Variants in RASEF observed in about 807,000 individuals in gnomAD.
RASEF encodes RAS and EF-hand domain containing, also known as ras and EF-hand domain-containing protein.
In RASEF, 68 loss-of-function variants were observed where a neutral mutation model predicts 90.1. That is an observed-to-expected ratio of 0.75 (90% CI 0.62 to 0.92). The LOEUF (loss-of-function observed/expected upper bound fraction) is 0.92. Among genes scored for constraint, RASEF ranks in the 40% least tolerant of loss-of-function variants. The pLI is 0.00. For missense variants in RASEF, 949 were observed against 937.2 expected, an observed-to-expected ratio of 1.01 and a Z score of -0.16; for synonymous variants, 331 against 345.2, an observed-to-expected ratio of 0.96 and a Z score of 0.46.
the RASEF span, among the ~76,000 whole-genome samples, chr9:83,120,450 G>C: frequency 2.0e-5 from 3 of 152,124 alleles, no homozygotes; most frequent in African/African-American, 7.2e-5. Flanking sequence ...AATTTGCCTA[G>C]CCCTAGAATT....
the RASEF span, among the ~76,000 whole-genome samples, chr9:83,183,944 C>T: frequency 6.6e-6 from 1 of 152,144 alleles, no homozygotes; most frequent in East Asian, 1.9e-4. Flanking sequence ...ACTCAGATGG[C>T]CAGGCCCCAT....
Position 83,000,474 on chromosome 9 carries a change from C to G in RASEF, c.1534G>C (p.Val512Leu), listed in dbSNP as rs573773265. ...PQGSVSEGSIVSSSRKPISAL... is the reference protein window; with the variant it reads ...PQGSVSEGSILSSSRKPISAL... ...GAGATGGGCTTTCTTGATGAACTAA[C>G]AATGCTGCCTTCACTAACAGACCCT... Residue 512 changes from valine (V) to leucine (L), a missense_variant, in exon 11 of 17, where the codon GTT (valine) becomes CTT (leucine). By Grantham distance (32) the Val-to-Leu change is conservative. Around this residue, in one of 3 missense-constraint regions of RASEF, gnomAD observed 288 missense variants for 328.4 expected, o/e 0.88. Transcript: ENST00000376447. The G allele has an allele frequency of 7.6e-5, 122 of 1,614,150 alleles. 2 individuals are homozygous for G. In the South Asian group the frequency reaches 1.2e-3, roughly 16 times the overall value.
the RASEF span, among the ~76,000 whole-genome samples, chr9:83,199,548 C>T: frequency 6.6e-6 from 1 of 152,116 alleles, no homozygotes; most frequent in African/African-American, 2.4e-5. Flanking sequence ...AGGTGACACG[C>T]CAACAAAATG....
the RASEF span, among the ~76,000 whole-genome samples, chr9:83,117,819 C>G: frequency 6.6e-5 from 10 of 152,184 alleles, no homozygotes; most frequent in Non-Finnish European, 1.3e-4. Context: ...CAGCCCAAGA[C>G]AGTGGAAATC....
At chr9:83,023,132 G>T (rs1587502626) in intron 2 of RASEF, among the ~76,000 whole-genome samples, 1 of 152,010 alleles carries the variant, frequency 6.6e-6, no homozygotes, top group African/African-American at 2.4e-5. Context: ...CAAAGTGATG[G>T]TTATATATAA....
At chr9:83,112,807 G>A in the RASEF span, among the ~76,000 whole-genome samples, 4 of 152,084 alleles carry the variant, frequency 2.6e-5, no homozygotes, top group African/African-American at 9.7e-5. Context: ...CTATACTTGG[G>A]ATGCTAATTT....
At chr9:83,165,427 A>G in the RASEF span, among the ~76,000 whole-genome samples, 1 of 152,126 alleles carries the variant, frequency 6.6e-6, no homozygotes. Flanking sequence ...AAGAAATCTC[A>G]AGAGATGCTC....
At chr9:83,004,084 T>A (rs1829086069) in intron 9 of RASEF, among the ~76,000 whole-genome samples, 1 of 152,190 alleles carries the variant, frequency 6.6e-6, no homozygotes, top group Admixed American at 6.5e-5. Flanking sequence ...AGAGTTTCCC[T>A]TTTCTGCAAC....
chr9:83,117,221 AAAAC>A, the RASEF span, among the ~76,000 whole-genome samples: 1 of 152,224 alleles, frequency 6.6e-6, no homozygotes, highest in South Asian at 2.1e-4. Context: ...AATGTATTTT[AAAAC>A]AAACAAAAAG....
rs537713146 is a variant in RASEF, at chr9:83,001,507, T to A, written c.1203-377A>T. Among the ~76,000 whole-genome samples, 66 of 152,326 alleles carry A rather than the reference T, an allele frequency of 4.3e-4. 1 individual carries two copies. Among genetic ancestry groups the A allele is most frequent in the African/African-American group, 1.6e-3 (66 of 41,570 alleles). ...ACTCTAAGGTGGTCAGACCATATTC[T>A]GAACATTGTGTCCATTTCTGGATAA... On this transcript the variant is annotated intron_variant, in intron 9 of 16. Coordinates refer to ENST00000376447, the MANE Select transcript of RASEF (RefSeq NM_152573.4).
the RASEF span, among the ~76,000 whole-genome samples, chr9:83,106,394 CT>C: frequency 6.6e-6 from 1 of 152,200 alleles, no homozygotes; most frequent in Non-Finnish European, 1.5e-5. Flanking sequence ...TCATCTACCC[CT>C]ATGTCATGTG....
the RASEF span, among the ~76,000 whole-genome samples, chr9:83,136,045 T>C: frequency 6.6e-6 from 1 of 152,014 alleles, no homozygotes. Context: ...TACATATATA[T>C]GATATATAGT....
the RASEF span, among the ~76,000 whole-genome samples, chr9:83,143,908 G>A: frequency 6.6e-6 from 1 of 152,098 alleles, no homozygotes; most frequent in African/African-American, 2.4e-5. Context: ...TGACCCAGGT[G>A]CCCATCAATG....
the RASEF span, among the ~76,000 whole-genome samples, chr9:83,182,077 G>GT: frequency 2.6e-5 from 4 of 152,114 alleles, no homozygotes; most frequent in African/African-American, 7.2e-5. Flanking sequence ...CTCTGGGGTG[G>GT]TGCAAAGATG....
At chr9:83,130,342 C>T in the RASEF span, among the ~76,000 whole-genome samples, 1 of 152,164 alleles carries the variant, frequency 6.6e-6, no homozygotes, top group African/African-American at 2.4e-5. Flanking sequence ...CCCACATGTT[C>T]ATAGCCTCCC....
chr9:83,092,348 C>T, the RASEF span, among the ~76,000 whole-genome samples: 2 of 152,116 alleles, frequency 1.3e-5, no homozygotes, highest in South Asian at 2.1e-4. Context: ...GTGAGTGTTA[C>T]AGCTCTTAAG....
the RASEF span, among the ~76,000 whole-genome samples, chr9:83,173,915 T>C: frequency 6.6e-6 from 1 of 151,956 alleles, no homozygotes; most frequent in Non-Finnish European, 1.5e-5. Context: ...ACGGTGTTTA[T>C]TTATGTAGAT....
upstream of RASEF, among the ~76,000 whole-genome samples, chr9:83,064,737 C>T (rs1381524722): frequency 2.0e-5 from 3 of 152,112 alleles, no homozygotes; most frequent in Non-Finnish European, 4.4e-5. Flanking sequence ...ACCTGCTTTG[C>T]CCTTTCCCTA....
chr9:83,211,133 T>C, the RASEF span, among the ~76,000 whole-genome samples: 3 of 152,348 alleles, frequency 2.0e-5, no homozygotes, highest in South Asian at 2.1e-4. Flanking sequence ...AAATCATGCA[T>C]TGCATTTAGT....
Sources: allele counts gnomAD v4.1 joint callset (sites outside exome capture counted in the v4.1 genomes callset), GRCh38; gene constraint gnomAD v4.1.1; regional missense constraint gnomAD v4.1.1; transcripts MANE v1.5; gene names NCBI Gene and HGNC (gene_info 2026-07-23, HGNC 2026-07-21).